INPP5A: variants seen among roughly 807,000 people sequenced by gnomAD.
The protein encoded by INPP5A is 43 kDa inositol polyphosphate 5-phophatase.
In INPP5A, 14 loss-of-function variants were observed where a neutral mutation model predicts 65.2. The observed-to-expected ratio is 0.21, with a 90% CI of 0.14 to 0.34. The LOEUF (loss-of-function observed/expected upper bound fraction) is 0.34, where lower values mean the gene tolerates loss of function less well. INPP5A is among the 10% of genes least tolerant of loss of function. The pLI, the probability that INPP5A is intolerant of heterozygous loss-of-function variation, is 1.00. For missense variants in INPP5A, 431 were observed against 545.6 expected (o/e 0.79, Z 2.09); for synonymous variants, 207 against 208.3 (o/e 0.99, Z 0.05).
At chr10:132,748,378 G>C (rs1022447488) in intron 9 of INPP5A, among the ~76,000 whole-genome samples, 4 of 152,214 alleles carry the variant, frequency 2.6e-5, no homozygotes, top group Non-Finnish European at 5.9e-5. Context: ...TGTCCACACA[G>C]AGCTTTGATT....
chr10:132,573,890 T>G (rs1417046301), intron 1 of INPP5A, among the ~76,000 whole-genome samples: 70 of 99,096 alleles, frequency 7.1e-4, no homozygotes, highest in African/African-American at 7.5e-4. Flanking sequence ...GTGTGCCGTG[T>G]GAGGTTTTGT....
At chr10:132,606,642 T>C (rs1564932187) in intron 1 of INPP5A, among the ~76,000 whole-genome samples, 1 of 152,348 alleles carries the variant, frequency 6.6e-6, no homozygotes, top group East Asian at 1.9e-4. Context: ...CGTCAGCAAG[T>C]GAACGGAGGA....
chr10:132,539,294 C>G (rs2133236733), intron 1 of INPP5A, among the ~76,000 whole-genome samples: 1 of 152,288 alleles, frequency 6.6e-6, no homozygotes, highest in Middle Eastern at 3.4e-3. Flanking sequence ...CCCATTTAAC[C>G]CTGCCACTTA....
At position 132,592,423 on chromosome 10, in the gene INPP5A, T is replaced by G. The variant is rs111360112; in HGVS notation, c.76-15492T>G. On this transcript the variant is annotated intron_variant, in intron 1 of 15. Transcript: ENST00000368594. ...GCAAAAATGTTTGTTTGTTTGTTTGTTTGTTTGTTTGAAATGGAGTCTTGC... is the reference window on the plus strand; with the variant it reads ...GCAAAAATGTTTGTTTGTTTGTTTGGTTGTTTGTTTGAAATGGAGTCTTGC... Among the ~76,000 whole-genome samples, 434 of 152,322 alleles carry G rather than the reference T, an allele frequency of 2.8e-3. 2 individuals are homozygous for G. The highest frequency in any genetic ancestry group is 1.0e-2 in the African/African-American group (415 of 41,572).
At chr10:132,684,044 T>C (rs953535462) in intron 4 of INPP5A, among the ~76,000 whole-genome samples, 1 of 152,246 alleles carries the variant, frequency 6.6e-6, no homozygotes, top group African/African-American at 2.4e-5. Flanking sequence ...TGGTGAATTA[T>C]TATGTAGCAT....
intron 11 of INPP5A, among the ~76,000 whole-genome samples, chr10:132,754,785 C>T (rs980975178): frequency 6.6e-6 from 1 of 152,248 alleles, no homozygotes; most frequent in Non-Finnish European, 1.5e-5. Flanking sequence ...TGGGCAGCCC[C>T]AGCCTGCTCC....
chr10:132,565,147 G>C (rs149785796), intron 1 of INPP5A, among the ~76,000 whole-genome samples: 8 of 152,198 alleles, frequency 5.3e-5, no homozygotes, highest in Non-Finnish European at 1.2e-4. Context: ...TCTCAGCTCT[G>C]TTGTCCAGGC....
chr10:132,559,247 G>C (rs977314670), intron 1 of INPP5A, among the ~76,000 whole-genome samples: 2 of 152,210 alleles, frequency 1.3e-5, no homozygotes, highest in South Asian at 2.1e-4. Flanking sequence ...CCCTCTCCCC[G>C]GCCCTGCTGA....
At chr10:132,618,803 G>A (rs1202114821) in intron 2 of INPP5A, among the ~76,000 whole-genome samples, 2 of 152,144 alleles carry the variant, frequency 1.3e-5, no homozygotes, top group African/African-American at 4.8e-5. Flanking sequence ...GAGCGAGTGG[G>A]GATGAAGTGC....
At position 132,555,359 on chromosome 10, in the gene INPP5A, G is replaced by A. The variant is rs769342804; in HGVS notation, c.75+17188G>A. ...AGTACGTTCACCCCATTTTACAGGC[G>A]CTGGCCCAGTGGAGCTGCTGGGGCC... On this transcript the variant is annotated intron_variant, in intron 1 of 15. Transcript: ENST00000368594. The surrounding 1 kb of genome is among the most constrained non-coding windows in gnomAD (Gnocchi z 4.4). Among the ~76,000 whole-genome samples the A allele has an allele frequency of 2.3e-3, 348 of 152,214 alleles. 2 individuals are homozygous for A. The highest frequency in any genetic ancestry group is 2.7e-3 in the Non-Finnish European group (181 of 68,004).
rs1204226422 is a variant in INPP5A at position 132,603,099 on chromosome 10, TC to T, written c.76-4813del. 4.6e-5 allele frequency among the ~76,000 whole-genome samples: 7 copies of T among 152,168 alleles called. No homozygotes were observed. The highest frequency in any genetic ancestry group is 2.6e-4 in the Admixed American group (4 of 15,278). The stretch of plus-strand genomic sequence containing the variant: ...GTATTGCTTGTCAATTAATGCCTCT[TC>T]CCTCAACAGTGTGAAATGCCTCAAT... On this transcript the variant is annotated intron_variant, in intron 1 of 15. Coordinates refer to ENST00000368594, the MANE Select transcript of INPP5A (RefSeq NM_005539.5). The surrounding 1 kb of genome is among the most constrained non-coding windows in gnomAD (Gnocchi z 4.2).
At chr10:132,562,550 C>T (rs1005430763) in intron 1 of INPP5A, among the ~76,000 whole-genome samples, 5 of 152,238 alleles carry the variant, frequency 3.3e-5, no homozygotes, top group Non-Finnish European at 5.9e-5. Flanking sequence ...GCAGAGACTG[C>T]GTTCTGGATG....
chr10:132,633,845 G>T (rs528534462), intron 2 of INPP5A, among the ~76,000 whole-genome samples: 2 of 152,282 alleles, frequency 1.3e-5, no homozygotes, highest in South Asian at 2.1e-4. Context: ...CAAACTTATT[G>T]TGACGATTTC....
chr10:132,722,466 C>T (rs1347038670), intron 8 of INPP5A, among the ~76,000 whole-genome samples: 5 of 152,216 alleles, frequency 3.3e-5, no homozygotes, highest in Non-Finnish European at 5.9e-5. Flanking sequence ...ATGACGCTCT[C>T]CCGCCACCTG....
chr10:132,578,821 G>A (rs1731903580), intron 1 of INPP5A, among the ~76,000 whole-genome samples: 1 of 151,690 alleles, frequency 6.6e-6, no homozygotes, highest in Non-Finnish European at 1.5e-5. Flanking sequence ...CAGCCCCAGG[G>A]AATGGCATGG....
At chr10:132,611,390 G>A (rs1339423288) in intron 2 of INPP5A, among the ~76,000 whole-genome samples, 2 of 148,376 alleles carry the variant, frequency 1.3e-5, no homozygotes, top group African/African-American at 5.0e-5. Context: ...GGTGGGCAGA[G>A]GAGAGGCCTG....
At chr10:132,768,376 C>T (rs753817093) in intron 12 of INPP5A, among the ~76,000 whole-genome samples, 6 of 152,212 alleles carry the variant, frequency 3.9e-5, no homozygotes, top group African/African-American at 7.2e-5. Context: ...CCCAGGTGCT[C>T]ACGCGCCCAG....
intron 1 of INPP5A, among the ~76,000 whole-genome samples, chr10:132,596,977 G>A (rs534021316): frequency 1.2e-4 from 17 of 141,152 alleles, no homozygotes; most frequent in East Asian, 7.8e-4. Context: ...GTGTGCATGC[G>A]TGTGTGCATG....
intron 1 of INPP5A, among the ~76,000 whole-genome samples, chr10:132,564,812 G>A (rs751963723): frequency 6.6e-6 from 1 of 152,180 alleles, no homozygotes; most frequent in African/African-American, 2.4e-5. Context: ...GTTCTGGTCA[G>A]TGGGATGGCG....
Sources: gnomAD v4.1 joint callset for allele counts (sites outside exome capture counted in the v4.1 genomes callset) on GRCh38, gnomAD v4.1.1 for gene constraint, Gnocchi (gnomAD v3.1) non-coding constraint, MANE v1.5 for transcripts, NCBI Gene and HGNC (gene_info 2026-07-23, HGNC 2026-07-21) for gene names.